LRRC37A2: variants seen among roughly 807,000 people sequenced by gnomAD.
The protein encoded by LRRC37A2 is leucine-rich repeat-containing protein 37A2.
In LRRC37A2, 9 loss-of-function variants were observed where a neutral mutation model predicts 68.8. The observed-to-expected ratio is 0.13, with a 90% CI of 0.08 to 0.23. LRRC37A2 has a LOEUF of 0.23. LRRC37A2 is among the 10% of genes least tolerant of loss of function. The pLI, the probability that LRRC37A2 is intolerant of heterozygous loss-of-function variation, is 1.00. For synonymous variants in LRRC37A2, 63 were observed against 367.6 expected (o/e 0.17, Z 9.48); for missense variants, 168 against 950.4 (o/e 0.18, Z 10.82).
the LRRC37A2 span, among the ~76,000 whole-genome samples, chr17:47,009,282 C>CACCCT: frequency 6.6e-6 from 1 of 152,154 alleles, no homozygotes; most frequent in Admixed American, 6.5e-5. Flanking sequence ...CTTTATTTAA[C>CACCCT]ACCCTGTTAG....
chr17:46,883,128 G>A, the LRRC37A2 span, among the ~76,000 whole-genome samples: 23 of 151,198 alleles, frequency 1.5e-4, no homozygotes, highest in South Asian at 4.2e-4. Flanking sequence ...CCAGGTGCCC[G>A]CCACCACGCC....
At chr17:46,909,264 C>G in the LRRC37A2 span, among the ~76,000 whole-genome samples, 2 of 152,166 alleles carry the variant, frequency 1.3e-5, no homozygotes. Flanking sequence ...CTCCTGGGCT[C>G]AAGCAATCCT....
the LRRC37A2 span, among the ~76,000 whole-genome samples, chr17:47,000,089 A>AATAAAATAAAAT: frequency 1.6e-5 from 1 of 63,888 alleles, no homozygotes; most frequent in Non-Finnish European, 3.5e-5. Context: ...AATAAAATAA[A>AATAAAATAAAAT]ATAAAATAAA....
chr17:46,923,501 AC>A, the LRRC37A2 span: 1 of 1,378,316 alleles, frequency 7.3e-7, no homozygotes, highest in East Asian at 2.7e-5. Flanking sequence ...GGAAACTGGC[AC>A]CTGCAGGTTA....
At chr17:46,690,624 A>AATAT in the LRRC37A2 span, among the ~76,000 whole-genome samples, 3,294 of 110,606 alleles carry the variant, frequency 0.03, 145 homozygotes, top group African/African-American at 0.079. Flanking sequence ...AAAAAAAAAA[A>AATAT]ATATATATAT....
At chr17:46,736,760 A>T in the LRRC37A2 span, among the ~76,000 whole-genome samples, 1 of 152,218 alleles carries the variant, frequency 6.6e-6, no homozygotes, top group Non-Finnish European at 1.5e-5. Flanking sequence ...TTGTCTATGT[A>T]TAATATATTT....
At chr17:46,777,132 C>T in the LRRC37A2 span, among the ~76,000 whole-genome samples, 73 of 152,212 alleles carry the variant, frequency 4.8e-4, no homozygotes, top group Admixed American at 7.9e-4. Flanking sequence ...ATCGCTTGAA[C>T]CTGGGAGGTG....
chr17:46,679,517 C>T, the LRRC37A2 span, among the ~76,000 whole-genome samples: 1 of 126,756 alleles, frequency 7.9e-6, no homozygotes, highest in African/African-American at 3.1e-5. Flanking sequence ...TGGTGTAACC[C>T]CATCTCTACT....
the LRRC37A2 span, chr17:46,876,288 T>C: frequency 6.2e-7 from 1 of 1,613,984 alleles, no homozygotes; most frequent in South Asian, 1.1e-5. Flanking sequence ...TGCCATGGCG[T>C]ATCAGGCTCC....
chr17:47,014,295 C>T, the LRRC37A2 span, among the ~76,000 whole-genome samples: 1 of 148,958 alleles, frequency 6.7e-6, no homozygotes, highest in African/African-American at 2.5e-5. Flanking sequence ...GAAGCTGAGG[C>T]ATGAAAATCG....
chr17:46,789,813 G>A, the LRRC37A2 span, among the ~76,000 whole-genome samples: 29 of 152,212 alleles, frequency 1.9e-4, no homozygotes, highest in African/African-American at 4.8e-4. Context: ...TGGCAGATGC[G>A]CACGCAGGAG....
chr17:46,697,354 G>T, the LRRC37A2 span, among the ~76,000 whole-genome samples: 1 of 146,286 alleles, frequency 6.8e-6, no homozygotes, highest in African/African-American at 2.6e-5. Flanking sequence ...GGGACTACAG[G>T]CATGTGCCAC....
the LRRC37A2 span, among the ~76,000 whole-genome samples, chr17:46,821,570 C>G: frequency 6.6e-5 from 10 of 152,250 alleles, no homozygotes; most frequent in East Asian, 1.9e-3. Context: ...GAAGGGAGGG[C>G]GGGGTGGAGG....
chr17:46,952,329 G>T, the LRRC37A2 span, among the ~76,000 whole-genome samples: 1 of 152,188 alleles, frequency 6.6e-6, no homozygotes, highest in Non-Finnish European at 1.5e-5. Context: ...GTCGGTTTGG[G>T]GTGACCACAT....
the LRRC37A2 span, among the ~76,000 whole-genome samples, chr17:46,977,150 C>A: frequency 9.2e-5 from 14 of 152,280 alleles, no homozygotes; most frequent in Middle Eastern, 3.4e-3. Flanking sequence ...ACTCCCCCAC[C>A]CCACCTGTGC....
the LRRC37A2 span, among the ~76,000 whole-genome samples, chr17:46,924,679 G>A: frequency 8.5e-5 from 13 of 152,292 alleles, no homozygotes; most frequent in Middle Eastern, 3.4e-3. Flanking sequence ...CGAAAATACA[G>A]AACCTACTTT....
chr17:46,875,453 C>T, the LRRC37A2 span: 1 of 1,442,154 alleles, frequency 6.9e-7, no homozygotes, highest in African/African-American at 1.4e-5. Flanking sequence ...GCACCCCACT[C>T]CCCAAAATAC....
At chr17:47,046,158 C>A in the LRRC37A2 span, among the ~76,000 whole-genome samples, 2 of 119,014 alleles carry the variant, frequency 1.7e-5, no homozygotes, top group Non-Finnish European at 3.6e-5. Flanking sequence ...GAAACCCTGT[C>A]ACTACTGAAA....
the LRRC37A2 span, among the ~76,000 whole-genome samples, chr17:46,779,053 T>TCA: frequency 0.025 from 2,513 of 100,604 alleles, 50 homozygotes; most frequent in African/African-American, 0.038. Flanking sequence ...CCCTACCCCA[T>TCA]CACACACACA....
Sources: gnomAD v4.1 joint callset for allele counts (sites outside exome capture counted in the v4.1 genomes callset) on GRCh38, gnomAD v4.1.1 for gene constraint, MANE v1.5 for transcripts, NCBI Gene and HGNC (gene_info 2026-07-23, HGNC 2026-07-21) for gene names.